PTBP3: variants seen among roughly 807,000 people sequenced by gnomAD.
The protein encoded by PTBP3 is polypyrimidine tract-binding protein 3.
Under a neutral mutation model 58.7 loss-of-function variants are expected in PTBP3, and 20 were observed. The observed-to-expected ratio is 0.34, with a 90% CI of 0.24 to 0.50. The LOEUF is 0.50. Among genes scored for constraint, PTBP3 ranks in the 20% least tolerant of loss-of-function variants. The probability of loss-of-function intolerance (pLI) is 0.98; values close to 1 mark genes in which losing one functional copy is unlikely to be tolerated. For missense variants in PTBP3, 509 were observed against 637.2 expected (o/e 0.80, Z 2.17); for synonymous variants, 185 against 219.8 (o/e 0.84, Z 1.40).
At chr9:112,287,692 A>G (rs1828205421) in intron 2 of PTBP3, among the ~76,000 whole-genome samples, 1 of 151,774 alleles carries the variant, frequency 6.6e-6, no homozygotes, top group African/African-American at 2.4e-5. Flanking sequence ...CTTCAAATTC[A>G]CTGATGTTTT....
rs1456171784 is a variant in PTBP3, at chr9:112,220,259, C to A, written c.*3592G>T. On this transcript the variant is annotated 3_prime_UTR_variant, in exon 14 of 14. Coordinates refer to ENST00000374257, the MANE Select transcript of PTBP3 (RefSeq NM_001163788.4). The stretch of plus-strand genomic sequence containing the variant: ...ACATGTAAGCACTGCTGACTGATGG[C>A]ACGGAGACACTGAAAAGAACAGAGA... The A allele has an allele frequency of 7.4e-7, 1 of 1,342,288 alleles. No homozygotes were observed. The highest frequency in any genetic ancestry group is 9.8e-7 in the Non-Finnish European group (1 of 1,017,480). 83.1% of individuals were successfully genotyped at this position (1,342,288 alleles called of 1,614,324 possible). A position where few individuals can be genotyped will look rare whatever the true frequency, so the allele number is the denominator to read the frequency against.
At chr9:112,234,929 C>A (rs1196842242) in intron 7 of PTBP3, 32 bp from the exon 8 acceptor site, 2 of 1,533,330 alleles carry the variant, frequency 1.3e-6, no homozygotes, top group Non-Finnish European at 1.8e-6. Flanking sequence ...AGTAAACACA[C>A]TACCTTCTAT....
intron 11 of PTBP3, 118 bp from the exon 12 acceptor site, chr9:112,227,745 G>T: frequency 1.3e-6 from 1 of 798,938 alleles, no homozygotes. Flanking sequence ...TTATCAGTTT[G>T]AGGGTGAAAA....
intron 5 of PTBP3, among the ~76,000 whole-genome samples, chr9:112,260,804 G>A (rs1836562682): frequency 6.6e-6 from 1 of 152,200 alleles, no homozygotes; most frequent in Admixed American, 6.5e-5. Context: ...TTAAAAAAGT[G>A]AGTGCTATAA....
At chr9:112,274,784 G>C (rs1051737374) in intron 3 of PTBP3, among the ~76,000 whole-genome samples, 1 of 152,166 alleles carries the variant, frequency 6.6e-6, no homozygotes, top group African/African-American at 2.4e-5. Flanking sequence ...AGTCACTCAT[G>C]CAAAGTAAAG....
intron 2 of PTBP3, among the ~76,000 whole-genome samples, chr9:112,277,944 A>G (rs1564427609): frequency 1.2e-5 from 1 of 82,514 alleles, no homozygotes; most frequent in African/African-American, 5.1e-5. Flanking sequence ...AACATAACAT[A>G]ATATAACATA....
intron 1 of PTBP3, among the ~76,000 whole-genome samples, chr9:112,314,228 A>C (rs1258322242): frequency 1.3e-5 from 2 of 152,248 alleles, no homozygotes; most frequent in Non-Finnish European, 2.9e-5. Context: ...AATACCAATC[A>C]TAAGAAAGCT....
chr9:112,277,985 TATC>T (rs1315423429), intron 2 of PTBP3, among the ~76,000 whole-genome samples: 4 of 149,964 alleles, frequency 2.7e-5, no homozygotes, highest in Non-Finnish European at 4.4e-5. Context: ...ACATAATGTA[TATC>T]ATGTCATTAT....
intron 5 of PTBP3, among the ~76,000 whole-genome samples, chr9:112,257,896 C>G (rs1482252841): frequency 6.7e-6 from 1 of 149,136 alleles, no homozygotes; most frequent in East Asian, 2.0e-4. Flanking sequence ...GCCATGATTG[C>G]ACCACCACAC....
chr9:112,345,560 T>C, the PTBP3 span, among the ~76,000 whole-genome samples: 1 of 151,218 alleles, frequency 6.6e-6, no homozygotes, highest in Non-Finnish European at 1.5e-5. Flanking sequence ...ATTTTTTTTT[T>C]CAGTAGAGTT....
chr9:112,223,379 C>A lies in PTBP3; in HGVS notation c.*472G>T. The A allele has an allele frequency of 3.1e-6, 3 of 960,884 alleles. No homozygotes were observed. The highest frequency in any genetic ancestry group is 3.7e-6 in the Non-Finnish European group (3 of 806,768). 59.5% of individuals were successfully genotyped at this position (960,884 alleles called of 1,614,324 possible). A position where few individuals can be genotyped will look rare whatever the true frequency, so the allele number is the denominator to read the frequency against. On this transcript the variant is annotated 3_prime_UTR_variant, in exon 14 of 14. Transcript: ENST00000374257. ...GTACTTTATATGTGAATATAATTTC[C>A]TACAAGGGTCAGACTTCTGATTCAT...
At chr9:112,257,520 A>C (rs530467081) in intron 5 of PTBP3, among the ~76,000 whole-genome samples, 1 of 152,340 alleles carries the variant, frequency 6.6e-6, no homozygotes, top group East Asian at 1.9e-4. Flanking sequence ...TAATATTTTC[A>C]GACTGTAACA....
Position 112,234,913 on chromosome 9 carries a change from A to G in PTBP3, c.803-16T>C. The G allele has an allele frequency of 6.3e-7, 1 of 1,597,466 alleles. No individual in the cohort carries two copies. Among genetic ancestry groups the G allele is most frequent in the African/African-American group, 1.3e-5 (1 of 74,612 alleles). On this transcript the variant is annotated splice_polypyrimidine_tract_variant and intron_variant, in intron 7 of 13. Transcript: ENST00000374257. The stretch of plus-strand genomic sequence containing the variant: ...CCCGGTGCACCTAATGGGAAAGAGA[A>G]GCTAAAGTAAACACACTACCTTCTA...
chr9:112,346,278 C>T, the PTBP3 span, among the ~76,000 whole-genome samples: 3 of 152,160 alleles, frequency 2.0e-5, no homozygotes, highest in Admixed American at 6.5e-5. Flanking sequence ...AGCGATTCTC[C>T]TGCCTCAGCC....
chr9:112,353,784 C>T, the PTBP3 span, among the ~76,000 whole-genome samples: 1 of 151,680 alleles, frequency 6.6e-6, no homozygotes, highest in Admixed American at 6.6e-5. Context: ...GGTGAAACCC[C>T]ATCTCTGCCA....
rs534320873 is a variant in PTBP3, at chr9:112,291,255, T to C, written c.34+6577A>G. Among the ~76,000 whole-genome samples, 5 of 152,046 alleles carry C rather than the reference T, an allele frequency of 3.3e-5. No homozygotes were observed. In the East Asian group the frequency reaches 7.7e-4, roughly 24 times the overall value. ...AAAAAAAAAAGAAAACACATCCATGTTCATGGATTGGAAGACTTGAAATTG... is the reference window on the plus strand; with the variant it reads ...AAAAAAAAAAGAAAACACATCCATGCTCATGGATTGGAAGACTTGAAATTG... On this transcript the variant is annotated intron_variant, in intron 2 of 13. Coordinates refer to ENST00000374257, the MANE Select transcript of PTBP3 (RefSeq NM_001163788.4).
chr9:112,319,960 G>A lies in PTBP3; in HGVS notation c.-52+13510C>T, dbSNP rs1587886596. 1.3e-5 allele frequency among the ~76,000 whole-genome samples: 2 copies of A among 152,264 alleles called. 1 individual carries two copies. Among genetic ancestry groups the A allele is most frequent in the South Asian group, 4.1e-4 (2 of 4,820 alleles). ...TGCTGCATGATCCCACTTACACGCA[G>A]AATCTAAGAAAGCTGAAATCATAGA... On this transcript the variant is annotated intron_variant, in intron 1 of 13. Coordinates refer to ENST00000374257, the MANE Select transcript of PTBP3 (RefSeq NM_001163788.4).
intron 12 of PTBP3, among the ~76,000 whole-genome samples, chr9:112,225,952 G>T (rs1023757167): frequency 4.6e-5 from 7 of 152,118 alleles, no homozygotes; most frequent in Non-Finnish European, 1.0e-4. Context: ...GCTGAGGTGG[G>T]AAGATCACTT....
the PTBP3 span, among the ~76,000 whole-genome samples, chr9:112,351,913 A>G: frequency 1.3e-5 from 2 of 150,880 alleles, no homozygotes; most frequent in East Asian, 1.9e-4. Flanking sequence ...TTACTACCTC[A>G]GTCCTAGAAT....
Sources: gnomAD v4.1 joint callset for allele counts (sites outside exome capture counted in the v4.1 genomes callset) on GRCh38, gnomAD v4.1.1 for gene constraint, MANE v1.5 for transcripts, NCBI Gene and HGNC (gene_info 2026-07-23, HGNC 2026-07-21) for gene names.